The following TACC1 variants were observed in gnomAD, a reference collection of about 807,000 sequenced individuals.
The protein encoded by TACC1 is transforming acidic coiled-coil-containing protein 1.
In TACC1, 48 loss-of-function variants were observed where a neutral mutation model predicts 84.4. The ratio of observed to expected loss-of-function variants is 0.57; its 90% CI spans 0.45 to 0.72. The LOEUF (loss-of-function observed/expected upper bound fraction) is 0.72, where lower values mean the gene tolerates loss of function less well. Among genes scored for constraint, TACC1 ranks in the 30% least tolerant of loss-of-function variants. The pLI is 0.00. For synonymous variants in TACC1, 372 were observed against 376.3 expected, an observed-to-expected ratio of 0.99 and a Z score of 0.13; for missense variants, 920 against 973.0, an observed-to-expected ratio of 0.95 and a Z score of 0.72.
chr8:38,755,456 G>A (rs1166422657), intron 3 of TACC1, among the ~76,000 whole-genome samples: 2 of 151,762 alleles, frequency 1.3e-5, no homozygotes, highest in East Asian at 3.9e-4. Context: ...TAGTCCCAGT[G>A]CTTTGGGAGG....
intron 6 of TACC1, among the ~76,000 whole-genome samples, chr8:38,834,394 A>G (rs1459108473): frequency 6.6e-6 from 1 of 152,196 alleles, no homozygotes; most frequent in Non-Finnish European, 1.5e-5. Context: ...CCATATTCTA[A>G]TGAGTCACTA....
intron 3 of TACC1, among the ~76,000 whole-genome samples, chr8:38,759,096 CAA>C (rs1810701227): frequency 1.3e-5 from 2 of 152,096 alleles, no homozygotes; most frequent in South Asian, 4.1e-4. Flanking sequence ...ACAGGAGAGG[CAA>C]TATAACATTG....
chr8:38,801,883 T>G (rs1821442783), intron 2 of TACC1, among the ~76,000 whole-genome samples: 1 of 152,204 alleles, frequency 6.6e-6, no homozygotes. Context: ...TAGGTTTTCT[T>G]TAATTGCTTC....
At chr8:38,774,975 C>T (rs1209252165) in intron 3 of TACC1, among the ~76,000 whole-genome samples, 2 of 144,676 alleles carry the variant, frequency 1.4e-5, no homozygotes, top group African/African-American at 5.3e-5. Context: ...CGCACCACTG[C>T]ACTCCAGCCT....
intron 1 of TACC1, among the ~76,000 whole-genome samples, chr8:38,735,971 C>A (rs1805880810): frequency 6.6e-6 from 1 of 152,158 alleles, no homozygotes; most frequent in Non-Finnish European, 1.5e-5. Context: ...GAAATGCATT[C>A]TCTCCCAGTT....
chr8:38,822,446 GTGAA>G (rs1827089140), intron 3 of TACC1, among the ~76,000 whole-genome samples: 1 of 152,106 alleles, frequency 6.6e-6, no homozygotes, highest in African/African-American at 2.4e-5. Context: ...TGAGTGGTGA[GTGAA>G]TGAGAAGGCC....
chr8:38,772,459 A>T (rs1563374518), intron 3 of TACC1, among the ~76,000 whole-genome samples: 1 of 152,268 alleles, frequency 6.6e-6, no homozygotes, highest in Non-Finnish European at 1.5e-5. Context: ...GAGGAACAGC[A>T]AACCCGTTAA....
chr8:38,742,547 A>G, intron 2 of TACC1: 1 of 926,844 alleles, frequency 1.1e-6, no homozygotes. Flanking sequence ...TAATCTTTGT[A>G]TTTGGATTAA....
At chr8:38,769,107 G>A (rs1812887122) in intron 3 of TACC1, among the ~76,000 whole-genome samples, 1 of 146,434 alleles carries the variant, frequency 6.8e-6, no homozygotes, top group Non-Finnish European at 1.5e-5. Context: ...GTGTGTGAGA[G>A]ACTGTATGGG....
intron 6 of TACC1, among the ~76,000 whole-genome samples, chr8:38,835,248 C>T (rs1470206106): frequency 5.5e-5 from 8 of 145,708 alleles, no homozygotes; most frequent in East Asian, 2.0e-4. Context: ...AGTGAGACCC[C>T]GTCTCAAAAA....
intron 2 of TACC1, among the ~76,000 whole-genome samples, chr8:38,815,431 G>GTTTTTTT (rs1825206525): frequency 6.6e-6 from 1 of 151,898 alleles, no homozygotes; most frequent in East Asian, 1.9e-4. Context: ...TTGTTTGTTT[G>GTTTTTTT]TTTTTGAGAC....
intron 6 of TACC1, among the ~76,000 whole-genome samples, chr8:38,833,756 A>C (rs1829713898): frequency 6.6e-6 from 1 of 152,150 alleles, no homozygotes; most frequent in Non-Finnish European, 1.5e-5. Flanking sequence ...TAGGGGGCGT[A>C]TTTCCCATAT....
Position 38,778,274 on chromosome 8 carries a change from T to TTGTGTGTGTG in TACC1, c.27-10416_27-10407dup, listed in dbSNP as rs3076914. Among the ~76,000 whole-genome samples, 1,219 of 148,354 alleles carry TTGTGTGTGTG rather than the reference T, an allele frequency of 8.2e-3. 15 individuals are homozygous for TTGTGTGTGTG. The highest frequency in any genetic ancestry group is 0.029 in the African/African-American group (1,155 of 40,448). Reference sequence around the variant, plus strand: ...TGCTTTTTTATCTTAATAATTAAAATTGTGTGTGTGTGTGTGTGTGTGTAT... The same window carrying TTGTGTGTGTG: ...TGCTTTTTTATCTTAATAATTAAAATTGTGTGTGTGTGTGTGTGTGTGTGTGTGTGTGTAT... On this transcript the variant is annotated intron_variant, in intron 3 of 14. Transcript: ENST00000518415.
At chr8:38,821,975 C>G (rs1264153702) in intron 3 of TACC1, among the ~76,000 whole-genome samples, 2 of 152,114 alleles carry the variant, frequency 1.3e-5, no homozygotes, top group Non-Finnish European at 2.9e-5. Context: ...AATCCCAACA[C>G]TTTGGGAGGC....
At chr8:38,835,526 A>T (rs893570984) in intron 6 of TACC1, among the ~76,000 whole-genome samples, 1 of 152,242 alleles carries the variant, frequency 6.6e-6, no homozygotes, top group African/African-American at 2.4e-5. Flanking sequence ...GCCATTTTGC[A>T]TATGGGCAAC....
chr8:38,774,872 A>G (rs994312700), intron 3 of TACC1, among the ~76,000 whole-genome samples: 1 of 152,022 alleles, frequency 6.6e-6, no homozygotes, highest in African/African-American at 2.4e-5. Context: ...TTAGCTGGGC[A>G]TGGTGGCACA....
intron 5 of TACC1, chr8:38,827,587 G>C: frequency 1.7e-6 from 1 of 588,168 alleles, no homozygotes; most frequent in South Asian, 2.0e-5. Context: ...GTGACAAGTT[G>C]TATAGGAGAT....
intron 1 of TACC1, among the ~76,000 whole-genome samples, chr8:38,735,861 A>G (rs1256219379): frequency 6.6e-6 from 1 of 152,254 alleles, no homozygotes; most frequent in Non-Finnish European, 1.5e-5. Context: ...TCTGTAGGAA[A>G]GGAAGATGTC....
intron 3 of TACC1, among the ~76,000 whole-genome samples, chr8:38,767,300 T>C (rs1419260949): frequency 6.6e-6 from 1 of 152,210 alleles, no homozygotes; most frequent in African/African-American, 2.4e-5. Context: ...AACCTCTTGA[T>C]GATATTCAGG....
Sources: gnomAD v4.1 joint callset for allele counts (sites outside exome capture counted in the v4.1 genomes callset) on GRCh38, gnomAD v4.1.1 for gene constraint, MANE v1.5 for transcripts, NCBI Gene and HGNC (gene_info 2026-07-23, HGNC 2026-07-21) for gene names.